The following NOS1AP variants were observed in gnomAD, a reference collection of about 807,000 sequenced individuals.
NOS1AP encodes the protein nitric oxide synthase 1 adaptor protein.
NOS1AP carries 21 observed loss-of-function variants against 56.2 expected under a neutral mutation model. The observed-to-expected ratio is 0.37, with a 90% CI of 0.26 to 0.54. NOS1AP has a LOEUF of 0.54. Ranked by LOEUF, NOS1AP falls within the 20% of genes least tolerant of loss-of-function variation. The pLI, the probability that NOS1AP is intolerant of heterozygous loss-of-function variation, is 0.84. For synonymous variants in NOS1AP, 270 were observed against 274.6 expected (o/e 0.98, Z 0.17); for missense variants, 522 against 657.8 (o/e 0.79, Z 2.26).
chr1:162,292,435 C>A (rs571846440), intron 3 of NOS1AP, among the ~76,000 whole-genome samples: 8 of 152,314 alleles, frequency 5.3e-5, no homozygotes, highest in Admixed American at 1.3e-4. Context: ...ATTGCCCAGG[C>A]CTTGTTTGAT....
At chr1:162,320,490 G>A (rs1456598829) in intron 4 of NOS1AP, among the ~76,000 whole-genome samples, 1 of 152,188 alleles carries the variant, frequency 6.6e-6, no homozygotes, top group East Asian at 1.9e-4. Flanking sequence ...AAAGAGAAGA[G>A]GAAGGGTCCT....
Position 162,188,987 on chromosome 1 carries a change from G to A in NOS1AP, c.177+34511G>A, listed in dbSNP as rs149145533. On this transcript the variant is annotated intron_variant, in intron 2 of 9. Coordinates refer to ENST00000361897, the MANE Select transcript of NOS1AP (RefSeq NM_014697.3). The surrounding 1 kb of genome is among the most constrained non-coding windows in gnomAD (Gnocchi z 4.0). ...CAGGAGAATCACTTGAACCCAAGAA[G>A]CGGAGGTTGCAGTGAGCCGAGATTG... Among the ~76,000 whole-genome samples, 5,356 of 152,246 alleles carry A rather than the reference G, an allele frequency of 0.035. 135 individuals are homozygous for A. The highest frequency in any genetic ancestry group is 0.049 in the Non-Finnish European group (3,354 of 68,018).
chr1:162,364,607 C>G (rs553584630), intron 8 of NOS1AP: 1 of 985,358 alleles, frequency 1.0e-6, no homozygotes, highest in Non-Finnish European at 1.2e-6. Context: ...AGGTTGGAAA[C>G]TGATGAGGGT....
At chr1:162,147,758 C>A (rs962615436) in intron 1 of NOS1AP, among the ~76,000 whole-genome samples, 3 of 152,210 alleles carry the variant, frequency 2.0e-5, no homozygotes, top group Non-Finnish European at 4.4e-5. Flanking sequence ...AATCCCATAT[C>A]TTGATTACCT....
At chr1:162,363,999 CAAGTGT>C in intron 8 of NOS1AP, 1 of 985,428 alleles carries the variant, frequency 1.0e-6, no homozygotes, top group Non-Finnish European at 1.2e-6. Flanking sequence ...ACGGTATCCA[CAAGTGT>C]AATTCTCTGA....
intron 3 of NOS1AP, among the ~76,000 whole-genome samples, chr1:162,291,838 C>A (rs1334208828): frequency 6.6e-6 from 1 of 152,158 alleles, no homozygotes; most frequent in African/African-American, 2.4e-5. Flanking sequence ...CTTCAACTCG[C>A]ATCTAGGCTC....
At chr1:162,167,078 TTCC>T (rs770740289) in intron 2 of NOS1AP, among the ~76,000 whole-genome samples, 31 of 152,204 alleles carry the variant, frequency 2.0e-4, no homozygotes, top group Non-Finnish European at 3.8e-4. Context: ...GCAGCTGCTG[TTCC>T]TTACTCTCTC....
intron 1 of NOS1AP, among the ~76,000 whole-genome samples, chr1:162,134,166 G>A (rs540118555): frequency 5.9e-5 from 9 of 152,256 alleles, no homozygotes; most frequent in African/African-American, 2.2e-4. Flanking sequence ...GTGAGCTATA[G>A]TAAGCCCTGG....
intron 2 of NOS1AP, among the ~76,000 whole-genome samples, chr1:162,207,136 C>T (rs1391013127): frequency 2.6e-5 from 4 of 152,176 alleles, no homozygotes; most frequent in Non-Finnish European, 5.9e-5. Context: ...TTGCTGCTGC[C>T]TTGTTTTAAC....
chr1:162,328,703 C>A (rs1406320265), intron 4 of NOS1AP, among the ~76,000 whole-genome samples: 1 of 152,224 alleles, frequency 6.6e-6, no homozygotes, highest in Admixed American at 6.5e-5. Context: ...AGGTCTGTCC[C>A]CCTCAGGGCC....
At chr1:162,233,323 G>A (rs568435243) in intron 2 of NOS1AP, among the ~76,000 whole-genome samples, 1 of 152,312 alleles carries the variant, frequency 6.6e-6, no homozygotes, top group Admixed American at 6.5e-5. Flanking sequence ...TTGCATGGTG[G>A]TGGCTGGCGG....
intron 1 of NOS1AP, among the ~76,000 whole-genome samples, chr1:162,119,701 A>G (rs1421879906): frequency 2.6e-5 from 4 of 152,180 alleles, no homozygotes; most frequent in African/African-American, 9.7e-5. Flanking sequence ...ATGCGGCTCT[A>G]GCTTTCTCTT....
At chr1:162,320,014 C>T (rs964170173) in intron 4 of NOS1AP, among the ~76,000 whole-genome samples, 2 of 152,198 alleles carry the variant, frequency 1.3e-5, no homozygotes, top group Non-Finnish European at 2.9e-5. Flanking sequence ...TGGCTGCATC[C>T]TCCTCCGCGT....
intron 1 of NOS1AP, among the ~76,000 whole-genome samples, chr1:162,097,853 A>G (rs1692282215): frequency 6.6e-6 from 1 of 152,048 alleles, no homozygotes; most frequent in Admixed American, 6.5e-5. Flanking sequence ...TAAATGTTAG[A>G]ATCAGTTTAG....
intron 2 of NOS1AP, among the ~76,000 whole-genome samples, chr1:162,240,554 G>A (rs1653459495): frequency 6.6e-6 from 1 of 152,168 alleles, no homozygotes; most frequent in African/African-American, 2.4e-5. Flanking sequence ...GCGGGAGCCT[G>A]AATCACACTG....
intron 6 of NOS1AP, among the ~76,000 whole-genome samples, chr1:162,351,098 C>T (rs1025264739): frequency 1.1e-4 from 16 of 152,182 alleles, no homozygotes; most frequent in African/African-American, 3.6e-4. Context: ...ACATGGGTCC[C>T]ATCTCTAAGA....
chr1:162,343,400 A>G (rs1165267335), intron 5 of NOS1AP, among the ~76,000 whole-genome samples: 1 of 152,180 alleles, frequency 6.6e-6, no homozygotes, highest in Non-Finnish European at 1.5e-5. Flanking sequence ...TCCAAGCCTC[A>G]TGTTACCACT....
At chr1:162,097,784 G>A (rs1465713219) in intron 1 of NOS1AP, among the ~76,000 whole-genome samples, 4 of 152,074 alleles carry the variant, frequency 2.6e-5, no homozygotes, top group Non-Finnish European at 4.4e-5. Flanking sequence ...GCGATCTAGC[G>A]GGATGATTCC....
intron 7 of NOS1AP, among the ~76,000 whole-genome samples, chr1:162,356,734 G>T (rs1431523281): frequency 6.6e-6 from 1 of 152,206 alleles, no homozygotes; most frequent in African/African-American, 2.4e-5. Flanking sequence ...TTACCGAGGT[G>T]TCCCCCTAGT....
Sources: allele counts gnomAD v4.1 joint callset (sites outside exome capture counted in the v4.1 genomes callset), GRCh38; gene constraint gnomAD v4.1.1; non-coding constraint Gnocchi (gnomAD v3.1); transcripts MANE v1.5; gene names NCBI Gene and HGNC (gene_info 2026-07-23, HGNC 2026-07-21).